GPR4: variants seen among roughly 807,000 people sequenced by gnomAD.
The protein encoded by GPR4 is G protein-coupled receptor 4.
In GPR4, 11 loss-of-function variants were observed where a neutral mutation model predicts 17.8. The ratio of observed to expected loss-of-function variants is 0.62; its 90% CI spans 0.39 to 1.02. The LOEUF (loss-of-function observed/expected upper bound fraction) is 1.02. Among genes scored for constraint, GPR4 ranks in the 50% least tolerant of loss-of-function variants. The pLI is 0.00. For synonymous variants in GPR4, 219 were observed against 222.8 expected (o/e 0.98, Z 0.15); for missense variants, 364 against 495.4 (o/e 0.73, Z 2.52).
chr19:45,598,563 G>C lies in GPR4; in HGVS notation c.-832+3532C>G, dbSNP rs80351668. Among the ~76,000 whole-genome samples the C allele has an allele frequency of 4.3e-3, 651 of 152,220 alleles. 5 individuals carry two copies. The highest frequency in any genetic ancestry group is 0.015 in the African/African-American group (614 of 41,542). On this transcript the variant is annotated intron_variant, in intron 1 of 1. Transcript: ENST00000323040. Reference sequence around the variant, plus strand: ...TCTTGCGGATGCTGGACATGGGGGGGAGGGGTGCCCAGACAGCCCTCTCTT... The same window carrying C: ...TCTTGCGGATGCTGGACATGGGGGGCAGGGGTGCCCAGACAGCCCTCTCTT...
At chr19:45,601,509 T>A (rs1970111788) in intron 1 of GPR4, among the ~76,000 whole-genome samples, 1 of 151,956 alleles carries the variant, frequency 6.6e-6, no homozygotes, top group South Asian at 2.1e-4. Context: ...GTCACAAGCC[T>A]CCTGCCCCCT....
rs1275231676 is a variant in GPR4, at chr19:45,592,082, A to T, written c.-216T>A. ...GAAAAGTTGGAGGAGGGATGGAATTATGACAGGAGGGAAGTCTGGAGGATG... is the reference window on the plus strand; with the variant it reads ...GAAAAGTTGGAGGAGGGATGGAATTTTGACAGGAGGGAAGTCTGGAGGATG... On this transcript the variant is annotated 5_prime_UTR_variant, in exon 2 of 2. It removes the in-frame stop codon of an upstream open reading frame in the 5' UTR. Transcript: ENST00000323040. 2.0e-5 allele frequency: 10 copies of T among 504,790 alleles called. No individual in the cohort carries two copies. 31.3% of individuals were successfully genotyped at this position (504,790 alleles called of 1,614,324 possible). A position where few individuals can be genotyped will look rare whatever the true frequency, so the allele number is the denominator to read the frequency against.
chr19:45,601,284 G>T (rs1465961950), intron 1 of GPR4, among the ~76,000 whole-genome samples: 1 of 152,218 alleles, frequency 6.6e-6, no homozygotes, highest in Non-Finnish European at 1.5e-5. Flanking sequence ...AGGAGGGGTT[G>T]TCCAGTTCCA....
chr19:45,595,106 G>C (rs952564811), intron 1 of GPR4, among the ~76,000 whole-genome samples: 1 of 151,802 alleles, frequency 6.6e-6, no homozygotes, highest in African/African-American at 2.4e-5. Flanking sequence ...GAGAAGCCCT[G>C]TCTCTACTAA....
At position 45,590,753 on chromosome 19, in the gene GPR4, C is replaced by T. The variant is rs374422009; in HGVS notation, c.*25G>A. The T allele has an allele frequency of 2.0e-6, 3 of 1,538,004 alleles. No homozygotes were observed. The highest frequency in any genetic ancestry group is 1.3e-5 in the South Asian group (1 of 78,740). ...GGGACTGTGGGATGAGAGGGGAAAA[C>T]TGGGGATTCTGTGCCACTCGGGGTT... On this transcript the variant is annotated 3_prime_UTR_variant, in exon 2 of 2. Coordinates refer to ENST00000323040, the MANE Select transcript of GPR4 (RefSeq NM_005282.3).
chr19:45,592,189 A>C lies in GPR4; in HGVS notation c.-323T>G. ...GAGGGAGTATGGGGGTGACACAAAA[A>C]TTGGTCTCCGGGAGTGTTTATGGAG... On this transcript the variant is annotated 5_prime_UTR_variant, in exon 2 of 2. Transcript: ENST00000323040. The C allele has an allele frequency of 3.6e-6, 1 of 280,298 alleles. No individual in the cohort carries two copies. The highest frequency in any genetic ancestry group is 6.9e-5 in the East Asian group (1 of 14,574). 17.4% of individuals were successfully genotyped at this position (280,298 alleles called of 1,614,324 possible).
At chr19:45,601,204 A>ACG (rs1158385861) in intron 1 of GPR4, among the ~76,000 whole-genome samples, 1 of 152,098 alleles carries the variant, frequency 6.6e-6, no homozygotes, top group Admixed American at 6.6e-5. Flanking sequence ...CAGCCTGAGT[A>ACG]CGCACACACA....
chr19:45,591,953 G>A lies in GPR4; in HGVS notation c.-87C>T. 2 of 1,429,012 alleles carry A rather than the reference G, an allele frequency of 1.4e-6. No homozygotes were observed. Among genetic ancestry groups the A allele is most frequent in the Non-Finnish European group, 1.9e-6 (2 of 1,064,920 alleles). 88.5% of individuals were successfully genotyped at this position (1,429,012 alleles called of 1,614,324 possible). The stretch of plus-strand genomic sequence containing the variant: ...AGCGGGAGGCCATGGGGCCCCCTGA[G>A]CCCCTTCCTTGGAGGCTCAGGGGAA... On this transcript the variant is annotated 5_prime_UTR_variant, in exon 2 of 2. Transcript: ENST00000323040. The surrounding 1 kb of genome is among the most constrained non-coding windows in gnomAD (Gnocchi z 7.6).
intron 1 of GPR4, among the ~76,000 whole-genome samples, chr19:45,596,952 G>C (rs1384241141): frequency 6.6e-6 from 1 of 152,176 alleles, no homozygotes; most frequent in African/African-American, 2.4e-5. Context: ...TGACCTGCTG[G>C]GGCAGCCTAG....
chr19:45,600,202 T>C (rs1333159231), intron 1 of GPR4, among the ~76,000 whole-genome samples: 1 of 152,078 alleles, frequency 6.6e-6, no homozygotes, highest in Non-Finnish European at 1.5e-5. Flanking sequence ...ACATGCTATA[T>C]CCAGGCCGCC....
chr19:45,595,315 AT>A, intron 1 of GPR4, among the ~76,000 whole-genome samples: 1 of 136,956 alleles, frequency 7.3e-6, no homozygotes, highest in South Asian at 2.3e-4. Context: ...AAATAAATAA[AT>A]AAAAAATAAC....
At chr19:45,597,236 T>G (rs1970067000) in intron 1 of GPR4, among the ~76,000 whole-genome samples, 1 of 152,060 alleles carries the variant, frequency 6.6e-6, no homozygotes, top group African/African-American at 2.4e-5. Context: ...GCCCAGCTAA[T>G]TTTTGTATTT....
intron 1 of GPR4, among the ~76,000 whole-genome samples, chr19:45,596,186 C>G (rs1009769210): frequency 6.7e-6 from 1 of 149,926 alleles, no homozygotes; most frequent in Non-Finnish European, 1.5e-5. Context: ...CCAGAAAGAT[C>G]TTTCTTTTCT....
chr19:45,596,239 CTT>C lies in GPR4; in HGVS notation c.-831-3544_-831-3543del, dbSNP rs1365649061. 2.9e-5 allele frequency among the ~76,000 whole-genome samples: 4 copies of C among 139,664 alleles called. No homozygotes were observed. In the East Asian group the frequency reaches 6.2e-4, roughly 22 times the overall value. 91.6% of individuals were successfully genotyped at this position (139,664 alleles called of 152,430 possible). A position where few individuals can be genotyped will look rare whatever the true frequency, so the allele number is the denominator to read the frequency against. ...TTTTTTTGAGATGGAGAGTTTCACT[CTT>C]GTCACCTAGGCTGGAGTGCAATGTC... is the stretch of plus-strand genomic sequence containing the variant. On this transcript the variant is annotated intron_variant, in intron 1 of 1. Coordinates refer to ENST00000323040, the MANE Select transcript of GPR4 (RefSeq NM_005282.3).
chr19:45,591,684 G>C lies in GPR4; in HGVS notation c.183C>G (p.Ile61Met), dbSNP rs1568416369. The change falls in exon 2 of 2, where the codon ATC (isoleucine) becomes ATG (methionine). Residue 61 changes from isoleucine (I) to methionine (M), a missense_variant. Around this residue, in one of 3 missense-constraint regions of GPR4, gnomAD observed 271 missense variants for 373.1 expected, o/e 0.73. Coordinates refer to ENST00000323040, the MANE Select transcript of GPR4 (RefSeq NM_005282.3). The surrounding 1 kb of genome is among the most constrained non-coding windows in gnomAD (Gnocchi z 7.6). ...GCGTGCAGATGTACAGCAGGTCGGCGATGCTGAGGTTCATCAGGTAGACGC... is the reference window on the plus strand; with the variant it reads ...GCGTGCAGATGTACAGCAGGTCGGCCATGCTGAGGTTCATCAGGTAGACGC... ...ELGVYLMNLS[I>M]ADLLYICTLP... 2.5e-6 allele frequency: 4 copies of C among 1,613,956 alleles called. No individual in the cohort carries two copies. The highest frequency in any genetic ancestry group is 3.4e-6 in the Non-Finnish European group (4 of 1,179,856).
chr19:45,590,835 G>T lies in GPR4; in HGVS notation c.1032C>A (p.Ala344=). The change falls in exon 2 of 2, where the codon GCC becomes GCA. Residue 344 remains alanine (A), a synonymous_variant. Transcript: ENST00000323040. ...CCTGGTCCCCCTGGGAGGGCGGAGT[G>T]GCCGCCCAGCTGCCAGTCATGGCTT... The part of the protein sequence containing the change: ...TAKAMTGSWA[A]TPPSQGDQVQ... The T allele has an allele frequency of 6.2e-7, 1 of 1,610,280 alleles. No homozygotes were observed. The highest frequency in any genetic ancestry group is 8.5e-7 in the Non-Finnish European group (1 of 1,177,692).
intron 1 of GPR4, chr19:45,599,610 G>A (rs944058969): frequency 1.3e-5 from 2 of 152,218 alleles, no homozygotes; most frequent in Non-Finnish European, 2.9e-5. Context: ...TGTTTCAACC[G>A]AGAGGGTCTC....
chr19:45,590,563 C>T lies in GPR4; in HGVS notation c.*215G>A. On this transcript the variant is annotated 3_prime_UTR_variant, in exon 2 of 2. Coordinates refer to ENST00000323040, the MANE Select transcript of GPR4 (RefSeq NM_005282.3). ...TCCAAAAAAATATATTTACTCATCT[C>T]CTCCTTCAGGAGGCCCTCCACAATC... The T allele has an allele frequency of 1.9e-6, 1 of 529,742 alleles. No homozygotes were observed. Among genetic ancestry groups the T allele is most frequent in the Non-Finnish European group, 3.3e-6 (1 of 306,128 alleles). 32.8% of individuals were successfully genotyped at this position (529,742 alleles called of 1,614,324 possible).
Position 45,591,622 on chromosome 19 carries a change from T to C in GPR4, c.245A>G (p.Asn82Ser). The change falls in exon 2 of 2, where the codon AAC becomes AGC. Residue 82 changes from asparagine to serine, a missense_variant. Around this residue, in one of 3 missense-constraint regions of GPR4, gnomAD observed 271 missense variants for 373.1 expected, o/e 0.73. Coordinates refer to ENST00000323040, the MANE Select transcript of GPR4 (RefSeq NM_005282.3). This position sits in a 1 kb window ranked among gnomAD's most constrained non-coding sequence, Gnocchi z 7.6. ...GCAGGACCCGGGGCCGTGGATCCAG[T>C]TGTCGTGGTGCAGGAAGTAGTCCAC... ...LWVDYFLHHD[N>S]WIHGPGSCKL... 2 of 1,613,700 alleles carry C rather than the reference T, an allele frequency of 1.2e-6. No individual in the cohort carries two copies. The highest frequency in any genetic ancestry group is 1.7e-6 in the Non-Finnish European group (2 of 1,179,936).
Sources: allele counts gnomAD v4.1 joint callset (sites outside exome capture counted in the v4.1 genomes callset), GRCh38; gene constraint gnomAD v4.1.1; regional missense constraint gnomAD v4.1.1; non-coding constraint Gnocchi (gnomAD v3.1); transcripts MANE v1.5; gene names NCBI Gene and HGNC (gene_info 2026-07-23, HGNC 2026-07-21).